PPP3R1: variants seen among roughly 807,000 people sequenced by gnomAD.
The protein encoded by PPP3R1 is protein phosphatase 3 regulatory subunit B, alpha.
PPP3R1 carries 5 observed loss-of-function variants against 22.6 expected under a neutral mutation model. That is an observed-to-expected ratio of 0.22 (90% CI 0.12 to 0.46). PPP3R1 has a LOEUF of 0.46. Ranked by LOEUF, PPP3R1 falls within the 20% of genes least tolerant of loss-of-function variation. PPP3R1 has a pLI of 0.99. For synonymous variants in PPP3R1, 56 were observed against 65.2 expected (o/e 0.86, Z 0.68); for missense variants, 61 against 203.2 (o/e 0.30, Z 4.25).
At chr2:68,248,907 T>C (rs553814233) in intron 1 of PPP3R1, among the ~76,000 whole-genome samples, 3 of 152,354 alleles carry the variant, frequency 2.0e-5, no homozygotes, top group East Asian at 1.9e-4. Flanking sequence ...CCATTTGTCT[T>C]ACATTCTCTA....
intron 1 of PPP3R1, among the ~76,000 whole-genome samples, chr2:68,230,338 T>A (rs1383626270): frequency 2.0e-5 from 3 of 152,180 alleles, no homozygotes; most frequent in African/African-American, 4.8e-5. Flanking sequence ...GTTAAACATT[T>A]TTTAAATTCC....
chr2:68,210,638 C>T (rs1001478700), intron 2 of PPP3R1, among the ~76,000 whole-genome samples: 2 of 152,234 alleles, frequency 1.3e-5, no homozygotes, highest in Admixed American at 6.5e-5. Flanking sequence ...AAAAATCTAA[C>T]TCTAGGTAGT....
intron 5 of PPP3R1, among the ~76,000 whole-genome samples, chr2:68,181,218 T>C (rs1337909001): frequency 2.0e-5 from 3 of 151,992 alleles, no homozygotes; most frequent in African/African-American, 7.2e-5. Context: ...GGTGAAACCT[T>C]GTCTCTACTA....
chr2:68,232,124 T>TACACACACACACACACAC lies in PPP3R1; in HGVS notation c.4-14994_4-14993insGTGTGTGTGTGTGTGTGT, dbSNP rs751934251. Among the ~76,000 whole-genome samples, 76 of 97,980 alleles carry TACACACACACACACACAC rather than the reference T, an allele frequency of 7.8e-4. 5 individuals carry two copies. Among genetic ancestry groups the TACACACACACACACACAC allele is most frequent in the Middle Eastern group, 6.8e-3 (1 of 146 alleles). 64.3% of individuals were successfully genotyped at this position (97,980 alleles called of 152,430 possible). A position where few individuals can be genotyped will look rare whatever the true frequency, so the allele number is the denominator to read the frequency against. ...AAAAAAAAAAATATATATATATATA[T>TACACACACACACACACAC]ACACACACACACACATATATATGTA... On this transcript the variant is annotated intron_variant, in intron 1 of 5. Coordinates refer to ENST00000234310, the MANE Select transcript of PPP3R1 (RefSeq NM_000945.4).
chr2:68,190,254 TTAAAAAAA>T (rs1674634813), intron 2 of PPP3R1, among the ~76,000 whole-genome samples: 1 of 85,522 alleles, frequency 1.2e-5, no homozygotes, highest in Non-Finnish European at 2.3e-5. Context: ...CAAGTTTCTC[TTAAAAAAA>T]AAAAAAAAAA....
intron 1 of PPP3R1, among the ~76,000 whole-genome samples, chr2:68,251,679 G>A (rs1052080336): frequency 6.6e-6 from 1 of 152,168 alleles, no homozygotes; most frequent in Non-Finnish European, 1.5e-5. Context: ...AGTGCCATTT[G>A]CCACATATTG....
rs1674835465 is a variant in PPP3R1 at position 68,198,091 on chromosome 2, C to CATATATATGTAAACATATATATGTAA, written c.44-9427_44-9402dup. On this transcript the variant is annotated intron_variant, in intron 2 of 5. Coordinates refer to ENST00000234310, the MANE Select transcript of PPP3R1 (RefSeq NM_000945.4). Reference sequence around the variant, plus strand: ...AAAAAAAAAAAAAAAAAAAAAAAAGCATATATATGTAAACATATATATGTA... The same window carrying CATATATATGTAAACATATATATGTAA: ...AAAAAAAAAAAAAAAAAAAAAAAAGCATATATATGTAAACATATATATGTAAATATATATGTAAACATATATATGTA... Among the ~76,000 whole-genome samples the CATATATATGTAAACATATATATGTAA allele has an allele frequency of 2.3e-3, 113 of 49,878 alleles. 1 individual carries two copies. Among genetic ancestry groups the CATATATATGTAAACATATATATGTAA allele is most frequent in the Non-Finnish European group, 3.7e-3 (97 of 26,056 alleles). 32.7% of individuals were successfully genotyped at this position (49,878 alleles called of 152,430 possible).
intron 2 of PPP3R1, among the ~76,000 whole-genome samples, chr2:68,206,811 T>C (rs1479841011): frequency 6.6e-6 from 1 of 152,206 alleles, no homozygotes; most frequent in African/African-American, 2.4e-5. Context: ...AAGAATACAG[T>C]ATGTTACAGC....
Position 68,200,882 on chromosome 2 carries a change from G to A in PPP3R1, c.44-12192C>T, listed in dbSNP as rs1386932121. Among the ~76,000 whole-genome samples, 3 of 151,990 alleles carry A rather than the reference G, an allele frequency of 2.0e-5. No individual in the cohort carries two copies. The East Asian group carries it at 5.8e-4, about 29-fold the overall frequency. ...TCCTACTGAAGGCCTGTGTATTATTGTTTTTCTCCTTTTGGTTTATCCACA... is the reference window on the plus strand; with the variant it reads ...TCCTACTGAAGGCCTGTGTATTATTATTTTTCTCCTTTTGGTTTATCCACA... On this transcript the variant is annotated intron_variant, in intron 2 of 5. Transcript: ENST00000234310.
rs912667695 is a variant in PPP3R1, at chr2:68,180,348, C to T, written c.*615G>A. ...ATATTCATAAGTATAAATAAAGTTA[C>T]AGACTCCTTTGTTACAAAAATGTAA... is the stretch of plus-strand genomic sequence containing the variant. On this transcript the variant is annotated 3_prime_UTR_variant, in exon 6 of 6. Transcript: ENST00000234310. 4.6e-5 allele frequency: 7 copies of T among 151,898 alleles called. No homozygotes were observed. The South Asian group carries it at 1.2e-3, about 27-fold the overall frequency. The allele number at this position is 151,898 out of a possible 1,614,324, so 9.4% of individuals were successfully genotyped here. A position where few individuals can be genotyped will look rare whatever the true frequency, so the allele number is the denominator to read the frequency against.
chr2:68,202,875 T>C (rs1675015106), intron 2 of PPP3R1, among the ~76,000 whole-genome samples: 1 of 133,844 alleles, frequency 7.5e-6, no homozygotes, highest in Non-Finnish European at 1.5e-5. Flanking sequence ...TGATCTCAGC[T>C]CACTGCAAGC....
intron 1 of PPP3R1, among the ~76,000 whole-genome samples, chr2:68,248,102 C>T (rs1670270742): frequency 6.6e-6 from 1 of 152,104 alleles, no homozygotes; most frequent in African/African-American, 2.4e-5. Flanking sequence ...CCTTCCTCTC[C>T]AGCCACGCTA....
chr2:68,202,191 G>C (rs989808904), intron 2 of PPP3R1, among the ~76,000 whole-genome samples: 2 of 152,104 alleles, frequency 1.3e-5, no homozygotes, highest in African/African-American at 4.8e-5. Flanking sequence ...AAAGATTCAA[G>C]AAGTTTTATT....
At chr2:68,246,067 C>CTTTTTTTT (rs746584723) in intron 1 of PPP3R1, among the ~76,000 whole-genome samples, 233 of 73,806 alleles carry the variant, frequency 3.2e-3, no homozygotes, top group East Asian at 4.2e-3. Flanking sequence ...TTCTTTCTTT[C>CTTTTTTTT]TTTTTTTTTT....
intron 1 of PPP3R1, among the ~76,000 whole-genome samples, chr2:68,218,386 A>T (rs1489311216): frequency 6.6e-6 from 1 of 152,130 alleles, no homozygotes; most frequent in Non-Finnish European, 1.5e-5. Flanking sequence ...TTTTTCTTGC[A>T]AGTTATAGCA....
At chr2:68,185,822 T>C (rs1176795969) in intron 5 of PPP3R1, among the ~76,000 whole-genome samples, 2 of 152,242 alleles carry the variant, frequency 1.3e-5, no homozygotes, top group African/African-American at 2.4e-5. Flanking sequence ...GTCTATTCTT[T>C]ACAGTGCCAC....
chr2:68,208,792 G>A (rs779041083), intron 2 of PPP3R1, among the ~76,000 whole-genome samples: 11 of 151,808 alleles, frequency 7.2e-5, no homozygotes, highest in Non-Finnish European at 1.0e-4. Context: ...GTGTGGTGGC[G>A]CTCACCTGTA....
At chr2:68,246,886 T>A (rs1670246398) in intron 1 of PPP3R1, among the ~76,000 whole-genome samples, 1 of 152,208 alleles carries the variant, frequency 6.6e-6, no homozygotes, top group Non-Finnish European at 1.5e-5. Flanking sequence ...ATGTCTCTTA[T>A]GAGCTCCAGA....
intron 2 of PPP3R1, among the ~76,000 whole-genome samples, chr2:68,210,063 A>T (rs557328426): frequency 4.7e-4 from 71 of 152,296 alleles, no homozygotes; most frequent in Non-Finnish European, 4.0e-4. Flanking sequence ...ATCTCAAGGT[A>T]AGATGTCTCC....
Sources: gnomAD v4.1 joint callset for allele counts (sites outside exome capture counted in the v4.1 genomes callset) on GRCh38, gnomAD v4.1.1 for gene constraint, MANE v1.5 for transcripts, NCBI Gene and HGNC (gene_info 2026-07-23, HGNC 2026-07-21) for gene names.